Variants in PLXNA2 observed in about 807,000 individuals in gnomAD.
PLXNA2 encodes the protein plexin A2, also known as plexin-A2.
A neutral mutation model predicts 193.5 loss-of-function variants in PLXNA2; 91 were observed. The observed-to-expected ratio is 0.47, with a 90% CI of 0.40 to 0.56. PLXNA2 has a LOEUF of 0.56. PLXNA2 is among the 20% of genes least tolerant of loss of function. PLXNA2 has a pLI of 0.00. For missense variants in PLXNA2, 1,995 were observed against 2,503.2 expected (o/e 0.80, Z 4.33); for synonymous variants, 997 against 1,027.3 (o/e 0.97, Z 0.56).
rs536829142 is a variant in PLXNA2, at chr1:208,035,521, G to A, written c.4765-929C>T. Among the ~76,000 whole-genome samples the A allele has an allele frequency of 1.8e-4, 28 of 152,186 alleles. No individual in the cohort carries two copies. In the East Asian group the frequency reaches 4.1e-3, roughly 22 times the overall value. On this transcript the variant is annotated intron_variant, in intron 26 of 31. Transcript: ENST00000367033. ...CAGCACCCAGCCTGCAGGAGAGGGC[G>A]GATAAGTGAGGAGCCATACTGAAGA...
chr1:208,194,032 C>T (rs1670272596), intron 3 of PLXNA2, among the ~76,000 whole-genome samples: 1 of 151,874 alleles, frequency 6.6e-6, no homozygotes, highest in Non-Finnish European at 1.5e-5. Context: ...GGGTTCATAG[C>T]TTAGGGCGCA....
chr1:208,067,673 C>T (rs945634136), intron 12 of PLXNA2, among the ~76,000 whole-genome samples: 2 of 152,196 alleles, frequency 1.3e-5, no homozygotes, highest in Admixed American at 6.5e-5. Context: ...CAGGACCAGT[C>T]ACATGCAGTA....
At position 208,079,435 on chromosome 1, in the gene PLXNA2, C is replaced by T; in HGVS notation, c.2411G>A (p.Cys804Tyr). The T allele has an allele frequency of 6.3e-7, 1 of 1,598,430 alleles. No individual in the cohort carries two copies. Among genetic ancestry groups the T allele is most frequent in the Non-Finnish European group, 8.5e-7 (1 of 1,171,034 alleles). Residue 804 changes from cysteine to tyrosine, a missense_variant, in exon 12 of 32, where the codon TGT (cysteine) becomes TAT (tyrosine). Coordinates refer to ENST00000367033, the MANE Select transcript of PLXNA2 (RefSeq NM_025179.4). ...GCCGCAGCTCTCCCGCTGGGCTGCACACTTGTAGAGATGGACTGCAAAGAG... is the reference window on the plus strand; with the variant it reads ...GCCGCAGCTCTCCCGCTGGGCTGCATACTTGTAGAGATGGACTGCAAAGAG... ...PQDLKVHLYK[C>Y]AAQRESCGLC...
At chr1:208,132,293 C>A (rs1668180953) in intron 4 of PLXNA2, among the ~76,000 whole-genome samples, 1 of 152,160 alleles carries the variant, frequency 6.6e-6, no homozygotes, top group African/African-American at 2.4e-5. Flanking sequence ...CGCCTCTGAA[C>A]CCTTTTCCTA....
chr1:208,199,445 C>G (rs1670466664), intron 3 of PLXNA2, among the ~76,000 whole-genome samples: 2 of 152,244 alleles, frequency 1.3e-5, no homozygotes, highest in Non-Finnish European at 2.9e-5. Context: ...GTAATCCCAG[C>G]ACTTTGGGGG....
chr1:208,181,866 C>T (rs1669852638), intron 3 of PLXNA2, among the ~76,000 whole-genome samples: 1 of 152,180 alleles, frequency 6.6e-6, no homozygotes, highest in Admixed American at 6.5e-5. Context: ...TGTTCTCCTC[C>T]AACTTTCTTA....
intron 24 of PLXNA2, 132 bp downstream of exon 24, chr1:208,039,489 C>T: frequency 7.9e-7 from 1 of 1,271,260 alleles, no homozygotes; most frequent in Non-Finnish European, 1.1e-6. Flanking sequence ...ACTTAGTTGT[C>T]CTTTGGGCTC....
At chr1:208,043,261 A>G in intron 20 of PLXNA2, 58 bp from the exon 21 acceptor site, 4 of 1,570,982 alleles carry the variant, frequency 2.5e-6, no homozygotes, top group Non-Finnish European at 8.7e-7. Flanking sequence ...GGGAGGAGAA[A>G]GAGGGAGAAG....
chr1:208,242,742 A>C (rs12132513), intron 1 of PLXNA2, among the ~76,000 whole-genome samples: 38,765 of 152,084 alleles, frequency 0.25, 6,395 homozygotes, highest in Middle Eastern at 0.38. Flanking sequence ...CATTCCAAAC[A>C]GGTGGACTTT....
intron 3 of PLXNA2, among the ~76,000 whole-genome samples, chr1:208,209,829 T>A (rs762442781): frequency 6.6e-6 from 1 of 152,034 alleles, no homozygotes; most frequent in Non-Finnish European, 1.5e-5. Context: ...GGTCTTAGAA[T>A]TGGGACCAGT....
intron 26 of PLXNA2, among the ~76,000 whole-genome samples, chr1:208,036,040 G>T (rs4844633): frequency 0.17 from 26,449 of 152,194 alleles, 2,541 homozygotes; most frequent in East Asian, 0.32. Flanking sequence ...TGACTTGATG[G>T]TATAAAGCTC....
At chr1:208,214,426 T>G (rs1405710915) in intron 2 of PLXNA2, among the ~76,000 whole-genome samples, 2 of 152,230 alleles carry the variant, frequency 1.3e-5, no homozygotes, top group African/African-American at 2.4e-5. Context: ...GTGGTAGGAC[T>G]GATTTTTAAT....
At chr1:208,111,085 C>A (rs1470445159) in intron 4 of PLXNA2, among the ~76,000 whole-genome samples, 1 of 152,114 alleles carries the variant, frequency 6.6e-6, no homozygotes, top group Non-Finnish European at 1.5e-5. Flanking sequence ...CAGTCTTGTT[C>A]TGTCACCCAG....
intron 4 of PLXNA2, among the ~76,000 whole-genome samples, chr1:208,107,311 G>C (rs1404157476): frequency 6.6e-6 from 1 of 152,162 alleles, no homozygotes; most frequent in Non-Finnish European, 1.5e-5. Flanking sequence ...CTCTCCGAGT[G>C]GGTCTTTTTA....
intron 12 of PLXNA2, among the ~76,000 whole-genome samples, chr1:208,074,558 G>T (rs1460900418): frequency 6.6e-6 from 1 of 152,194 alleles, no homozygotes; most frequent in Non-Finnish European, 1.5e-5. Flanking sequence ...ATAAAAGATG[G>T]GTCCCTCGGG....
chr1:208,057,035 G>C (rs1178022655), intron 13 of PLXNA2, among the ~76,000 whole-genome samples: 1 of 152,172 alleles, frequency 6.6e-6, no homozygotes, highest in African/African-American at 2.4e-5. Flanking sequence ...CAGGAAGATA[G>C]GGAGTTAAAG....
intron 22 of PLXNA2, 92 bp downstream of exon 22, chr1:208,042,006 T>C: frequency 1.4e-6 from 2 of 1,386,784 alleles, no homozygotes; most frequent in South Asian, 1.3e-5. Flanking sequence ...GGAGTGGGCC[T>C]TCTCATGCTG....
At chr1:208,241,408 T>A (rs1465243939) in intron 1 of PLXNA2, among the ~76,000 whole-genome samples, 1 of 152,156 alleles carries the variant, frequency 6.6e-6, no homozygotes, top group Non-Finnish European at 1.5e-5. Context: ...TGTAATGACA[T>A]GGTTTTGGGC....
intron 4 of PLXNA2, among the ~76,000 whole-genome samples, chr1:208,122,047 C>G (rs1558203351): frequency 6.6e-6 from 1 of 152,316 alleles, no homozygotes; most frequent in East Asian, 1.9e-4. Context: ...GGAGCTGTCT[C>G]TCTCTGGCTG....
Sources: allele counts gnomAD v4.1 joint callset (sites outside exome capture counted in the v4.1 genomes callset), GRCh38; gene constraint gnomAD v4.1.1; transcripts MANE v1.5; gene names NCBI Gene and HGNC (gene_info 2026-07-23, HGNC 2026-07-21).